KATNAL2: variants seen among roughly 807,000 people sequenced by gnomAD.
KATNAL2 encodes the protein katanin catalytic subunit A1 like 2.
In KATNAL2, 52 loss-of-function variants were observed where a neutral mutation model predicts 76.3. The ratio of observed to expected loss-of-function variants is 0.68; its 90% CI spans 0.55 to 0.86. KATNAL2 has a LOEUF of 0.86. KATNAL2 is among the 40% of genes least tolerant of loss of function. The probability of loss-of-function intolerance (pLI) is 0.00; values close to 1 mark genes in which losing one functional copy is unlikely to be tolerated. For synonymous variants in KATNAL2, 243 were observed against 244.2 expected, an observed-to-expected ratio of 1.00 and a Z score of 0.05; for missense variants, 660 against 668.9, an observed-to-expected ratio of 0.99 and a Z score of 0.15.
At chr18:47,050,014 G>A (rs114159403) in intron 4 of KATNAL2, among the ~76,000 whole-genome samples, 3 of 152,048 alleles carry the variant, frequency 2.0e-5, no homozygotes, top group Non-Finnish European at 2.9e-5. Context: ...CTGCAGGTGC[G>A]TGCCGCCATG....
intron 3 of KATNAL2, among the ~76,000 whole-genome samples, chr18:46,961,616 A>G (rs1486780122): frequency 6.6e-6 from 1 of 152,166 alleles, no homozygotes; most frequent in Non-Finnish European, 1.5e-5. Flanking sequence ...ATAGGATTAA[A>G]CCTCTGCCAA....
chr18:46,931,912 T>G (rs2058935370), intron 1 of KATNAL2, among the ~76,000 whole-genome samples: 1 of 151,976 alleles, frequency 6.6e-6, no homozygotes, highest in Admixed American at 6.6e-5. Context: ...CTTGTTTTCT[T>G]TTCTTTTCTT....
intron 3 of KATNAL2, chr18:47,035,516 A>T: frequency 1.4e-6 from 1 of 739,802 alleles, no homozygotes; most frequent in Non-Finnish European, 2.2e-6. Flanking sequence ...GCCTGGAGTG[A>T]CCTCTGCAGT....
chr18:46,953,184 G>A (rs1456791218), intron 3 of KATNAL2, among the ~76,000 whole-genome samples: 1 of 152,082 alleles, frequency 6.6e-6, no homozygotes, highest in Non-Finnish European at 1.5e-5. Context: ...GTGAGCCACC[G>A]CTCCCGGCAC....
intron 3 of KATNAL2, among the ~76,000 whole-genome samples, chr18:46,953,735 C>A (rs1038642761): frequency 2.7e-5 from 4 of 149,928 alleles, no homozygotes; most frequent in Admixed American, 1.3e-4. Context: ...CCAACCTAGG[C>A]GACACATGGA....
intron 1 of KATNAL2, among the ~76,000 whole-genome samples, chr18:46,931,166 G>A (rs998668734): frequency 6.8e-6 from 1 of 146,496 alleles, no homozygotes. Flanking sequence ...CAGGCGTGGT[G>A]ACATGTGCCT....
intron 3 of KATNAL2, chr18:47,032,802 T>G: frequency 1.1e-6 from 1 of 897,174 alleles, no homozygotes; most frequent in Non-Finnish European, 1.7e-6. Flanking sequence ...AATTCTGAGG[T>G]GTTCTCCAAG....
At chr18:47,080,630 C>T (rs1212684804) in intron 15 of KATNAL2, among the ~76,000 whole-genome samples, 1 of 152,166 alleles carries the variant, frequency 6.6e-6, no homozygotes, top group Non-Finnish European at 1.5e-5. Flanking sequence ...AGATGTTGCA[C>T]CATTTCACAT....
chr18:46,949,537 G>C (rs761847878), intron 3 of KATNAL2, among the ~76,000 whole-genome samples: 6 of 152,200 alleles, frequency 3.9e-5, no homozygotes, highest in South Asian at 2.1e-4. Context: ...GTGAGCCTTC[G>C]TGTCTGGCTT....
At chr18:47,033,399 C>A in intron 3 of KATNAL2, 1 of 1,614,190 alleles carries the variant, frequency 6.2e-7, no homozygotes, top group Non-Finnish European at 8.5e-7. Context: ...TATTCGTTGT[C>A]ATTACTCTCA....
chr18:47,031,626 C>T (rs1370854305), intron 3 of KATNAL2, among the ~76,000 whole-genome samples: 2 of 152,130 alleles, frequency 1.3e-5, no homozygotes, highest in South Asian at 2.1e-4. Context: ...GTAATACTGG[C>T]AATTCTTCAG....
chr18:47,053,694 AC>A (rs1351416752), intron 5 of KATNAL2, among the ~76,000 whole-genome samples: 9 of 152,232 alleles, frequency 5.9e-5, no homozygotes, highest in Non-Finnish European at 1.2e-4. Flanking sequence ...ACAGACTTTA[AC>A]ATTTCATGTA....
At chr18:46,949,768 A>G (rs1365418037) in intron 3 of KATNAL2, among the ~76,000 whole-genome samples, 1 of 152,164 alleles carries the variant, frequency 6.6e-6, no homozygotes, top group African/African-American at 2.4e-5. Context: ...TGTATCTTTA[A>G]TAATCCATAT....
chr18:46,939,588 C>A (rs1489879681), intron 1 of KATNAL2, among the ~76,000 whole-genome samples: 2 of 152,124 alleles, frequency 1.3e-5, no homozygotes, highest in African/African-American at 4.8e-5. Flanking sequence ...ATAGGCCCTG[C>A]AGACCTATTC....
At chr18:46,961,606 A>T (rs1177180005) in intron 3 of KATNAL2, among the ~76,000 whole-genome samples, 1 of 152,232 alleles carries the variant, frequency 6.6e-6, no homozygotes, top group Non-Finnish European at 1.5e-5. Flanking sequence ...AAATACAGAC[A>T]TAGGATTAAA....
chr18:47,066,748 C>G (rs1282735200), intron 10 of KATNAL2, among the ~76,000 whole-genome samples: 1 of 149,320 alleles, frequency 6.7e-6, no homozygotes, highest in Non-Finnish European at 1.5e-5. Context: ...CTGAAAAATA[C>G]CACAATGTGT....
chr18:46,943,397 C>G (rs1431372150), intron 1 of KATNAL2, among the ~76,000 whole-genome samples: 1 of 152,142 alleles, frequency 6.6e-6, no homozygotes, highest in Non-Finnish European at 1.5e-5. Flanking sequence ...GCACAAGATA[C>G]AGAACAAAGA....
chr18:47,040,901 A>G (rs191356939), intron 3 of KATNAL2, among the ~76,000 whole-genome samples: 1 of 152,356 alleles, frequency 6.6e-6, no homozygotes, highest in East Asian at 1.9e-4. Context: ...GTGGTCATTA[A>G]TCTATATTGA....
chr18:46,955,164 TTCTTTC>T (rs2059700077), intron 3 of KATNAL2, among the ~76,000 whole-genome samples: 1 of 147,102 alleles, frequency 6.8e-6, no homozygotes. Context: ...CTTTCTTTCT[TTCTTTC>T]TTTCTTTCTT....
Sources: allele counts gnomAD v4.1 joint callset (sites outside exome capture counted in the v4.1 genomes callset), GRCh38; gene constraint gnomAD v4.1.1; transcripts MANE v1.5; gene names NCBI Gene and HGNC (gene_info 2026-07-23, HGNC 2026-07-21).